The following PPARGC1A variants were observed in gnomAD, a reference collection of about 807,000 sequenced individuals.
PPARGC1A encodes the protein peroxisome proliferator-activated receptor gamma coactivator 1-alpha.
In PPARGC1A, 25 loss-of-function variants were observed where a neutral mutation model predicts 88.7. The observed-to-expected ratio is 0.28, with a 90% CI of 0.21 to 0.39. The LOEUF (loss-of-function observed/expected upper bound fraction) is 0.39. PPARGC1A is among the 10% of genes least tolerant of loss of function. The pLI, the probability that PPARGC1A is intolerant of heterozygous loss-of-function variation, is 1.00. For missense variants in PPARGC1A, 880 were observed against 968.7 expected, an observed-to-expected ratio of 0.91 and a Z score of 1.22; for synonymous variants, 363 against 355.6, an observed-to-expected ratio of 1.02 and a Z score of -0.24.
chr4:23,866,255 A>C (rs1711966582), intron 2 of PPARGC1A: 1 of 152,202 alleles, frequency 6.6e-6, no homozygotes, highest in African/African-American at 2.4e-5. Context: ...ACCTAAAAAA[A>C]ATAAATAAAG....
At chr4:24,135,780 T>C in the PPARGC1A span, among the ~76,000 whole-genome samples, 4 of 152,222 alleles carry the variant, frequency 2.6e-5, no homozygotes, top group Admixed American at 2.6e-4. Context: ...TTCAAGGGTT[T>C]AATTGCACAC....
At chr4:23,801,933 G>C (rs769401204) in intron 11 of PPARGC1A, 52 bp from the exon 12 acceptor site, 4 of 1,599,736 alleles carry the variant, frequency 2.5e-6, no homozygotes, top group Non-Finnish European at 3.4e-6. Context: ...TTAGTATATG[G>C]GACTGTAACC....
chr4:24,029,782 GA>G, the PPARGC1A span, among the ~76,000 whole-genome samples: 16 of 150,382 alleles, frequency 1.1e-4, no homozygotes, highest in South Asian at 6.3e-4. Flanking sequence ...AAAACCACAG[GA>G]AAAAAAAATA....
chr4:24,180,280 T>G, the PPARGC1A span, among the ~76,000 whole-genome samples: 3 of 152,250 alleles, frequency 2.0e-5, no homozygotes, highest in African/African-American at 7.2e-5. Flanking sequence ...ACTGAGCATC[T>G]TTCTTTAAAT....
the PPARGC1A span, among the ~76,000 whole-genome samples, chr4:24,283,533 A>G: frequency 3.3e-5 from 5 of 152,320 alleles, no homozygotes; most frequent in East Asian, 9.7e-4. Flanking sequence ...TAACCTGATG[A>G]ACATTTAAGA....
At chr4:24,065,956 T>C in the PPARGC1A span, among the ~76,000 whole-genome samples, 1 of 152,158 alleles carries the variant, frequency 6.6e-6, no homozygotes, top group Non-Finnish European at 1.5e-5. Context: ...GGCAGGCAAC[T>C]TGCCTGGGAG....
chr4:24,207,966 A>G, the PPARGC1A span, among the ~76,000 whole-genome samples: 1 of 152,162 alleles, frequency 6.6e-6, no homozygotes, highest in Admixed American at 6.5e-5. Context: ...AAGAATTCCC[A>G]TGAGCTTCAA....
chr4:24,093,301 C>A, the PPARGC1A span, among the ~76,000 whole-genome samples: 2 of 152,208 alleles, frequency 1.3e-5, no homozygotes, highest in Non-Finnish European at 2.9e-5. Context: ...TAATACAGCA[C>A]CTCGGTCAAT....
At chr4:23,954,211 A>G in the PPARGC1A span, among the ~76,000 whole-genome samples, 2 of 152,076 alleles carry the variant, frequency 1.3e-5, no homozygotes, top group Non-Finnish European at 2.9e-5. Context: ...TCACCAAACT[A>G]AATGTGGTAC....
the PPARGC1A span, among the ~76,000 whole-genome samples, chr4:24,205,482 G>C: frequency 4.6e-5 from 7 of 152,128 alleles, no homozygotes; most frequent in South Asian, 1.2e-3. Context: ...CAAAATGAGA[G>C]GCTTCAGGTA....
intron 7 of PPARGC1A, 118 bp from the exon 8 acceptor site, chr4:23,814,723 A>T: frequency 4.2e-6 from 4 of 960,298 alleles, no homozygotes; most frequent in Non-Finnish European, 5.9e-6. Flanking sequence ...ACAAGGGTTC[A>T]AACTGAGTGA....
the PPARGC1A span, among the ~76,000 whole-genome samples, chr4:24,070,617 T>C: frequency 6.6e-6 from 1 of 152,182 alleles, no homozygotes; most frequent in African/African-American, 2.4e-5. Flanking sequence ...AGATGAATTC[T>C]AGAAGAATCA....
the PPARGC1A span, among the ~76,000 whole-genome samples, chr4:23,976,532 G>A: frequency 6.6e-6 from 1 of 152,268 alleles, no homozygotes; most frequent in Non-Finnish European, 1.5e-5. Flanking sequence ...ACTGAATTAT[G>A]TCTCACCCTA....
chr4:24,270,984 T>G, the PPARGC1A span, among the ~76,000 whole-genome samples: 1 of 152,208 alleles, frequency 6.6e-6, no homozygotes, highest in Non-Finnish European at 1.5e-5. Context: ...CTAATACGGT[T>G]CAATCTAAAT....
chr4:23,860,546 A>G (rs539188709), intron 2 of PPARGC1A, among the ~76,000 whole-genome samples: 1 of 152,298 alleles, frequency 6.6e-6, no homozygotes, highest in South Asian at 2.1e-4. Context: ...GTGTTTGTAA[A>G]TCAAAACATA....
At chr4:24,107,439 C>G in the PPARGC1A span, among the ~76,000 whole-genome samples, 1 of 152,178 alleles carries the variant, frequency 6.6e-6, no homozygotes, top group East Asian at 1.9e-4. Context: ...TAATGAATGG[C>G]AGTGGGTATG....
At chr4:23,822,052 TG>T (rs1431656826) in intron 7 of PPARGC1A, among the ~76,000 whole-genome samples, 13 of 152,140 alleles carry the variant, frequency 8.5e-5, no homozygotes, top group Admixed American at 7.9e-4. Context: ...TTTAGTCTTT[TG>T]AGTAGACAAT....
At chr4:23,920,943 C>G in the PPARGC1A span, among the ~76,000 whole-genome samples, 1 of 151,986 alleles carries the variant, frequency 6.6e-6, no homozygotes, top group Non-Finnish European at 1.5e-5. Flanking sequence ...CCGCAGGACC[C>G]AGCCTGGGCT....
At chr4:24,207,388 T>A in the PPARGC1A span, among the ~76,000 whole-genome samples, 2 of 152,346 alleles carry the variant, frequency 1.3e-5, no homozygotes, top group South Asian at 2.1e-4. Flanking sequence ...TTCACTTTTA[T>A]AAAACATATT....
Sources: gnomAD v4.1 joint callset for allele counts (sites outside exome capture counted in the v4.1 genomes callset) on GRCh38, gnomAD v4.1.1 for gene constraint, MANE v1.5 for transcripts, NCBI Gene and HGNC (gene_info 2026-07-23, HGNC 2026-07-21) for gene names.